Variants in KLHL13 observed in about 807,000 individuals in gnomAD.
KLHL13 encodes the protein kelch like family member 13, also known as kelch-like protein 13.
Under a neutral mutation model 37.1 loss-of-function variants are expected in KLHL13, and 10 were observed. The ratio of observed to expected loss-of-function variants is 0.27; its 90% CI spans 0.17 to 0.46. The LOEUF (loss-of-function observed/expected upper bound fraction) is 0.46, where lower values mean the gene tolerates loss of function less well. Among genes scored for constraint, KLHL13 ranks in the 20% least tolerant of loss-of-function variants. KLHL13 has a pLI of 1.00. For missense variants in KLHL13, 360 were observed against 509.3 expected (o/e 0.71, Z 2.82); for synonymous variants, 163 against 181.2 (o/e 0.90, Z 0.81).
At chrX:118,110,745 A>T (rs2055402159) in intron 1 of KLHL13, among the ~76,000 whole-genome samples, 2 of 111,943 alleles carry the variant, frequency 1.8e-5, no homozygotes, top group Admixed American at 1.9e-4. Context: ...ACTGCAAAAA[A>T]ATAAGTGTCT....
intron 2 of KLHL13, among the ~76,000 whole-genome samples, chrX:117,922,979 A>C (rs780188089): frequency 8.9e-6 from 1 of 111,989 alleles, no homozygotes; most frequent in Non-Finnish European, 1.9e-5. Context: ...ACTGTTGTGC[A>C]TTTTAAAATT....
intron 1 of KLHL13, among the ~76,000 whole-genome samples, chrX:118,040,132 G>A (rs2054492144): frequency 9.0e-6 from 1 of 111,289 alleles, no homozygotes; most frequent in Non-Finnish European, 1.9e-5. Flanking sequence ...GCCTTCCCAG[G>A]AAGGATGAGT....
chrX:118,109,875 C>G (rs1190973323), intron 1 of KLHL13, among the ~76,000 whole-genome samples: 1 of 110,537 alleles, frequency 9.0e-6, no homozygotes, highest in Non-Finnish European at 1.9e-5. Context: ...CCCACAAAAC[C>G]GAAGGAAAAA....
intron 1 of KLHL13, among the ~76,000 whole-genome samples, chrX:118,055,374 C>A (rs2054673793): frequency 8.9e-6 from 1 of 112,129 alleles, no homozygotes; most frequent in African/African-American, 3.2e-5. Flanking sequence ...TTAATTAAAT[C>A]TTGGCATGGC....
chrX:117,910,299 A>G (rs1930891350), intron 4 of KLHL13, among the ~76,000 whole-genome samples: 1 of 111,826 alleles, frequency 8.9e-6, no homozygotes, highest in East Asian at 2.8e-4. Context: ...TAGAAGGCTG[A>G]CTAAAAGAAA....
At chrX:117,969,638 C>T (rs1030345743) in intron 1 of KLHL13, among the ~76,000 whole-genome samples, 1 of 111,306 alleles carries the variant, frequency 9.0e-6, no homozygotes, top group African/African-American at 3.3e-5. Context: ...GCACACCACC[C>T]TGCAATGCTA....
At chrX:117,955,803 A>C (rs1339562906) in intron 1 of KLHL13, among the ~76,000 whole-genome samples, 2 of 111,423 alleles carry the variant, frequency 1.8e-5, no homozygotes, top group Admixed American at 9.6e-5. Flanking sequence ...ATAAGACTTC[A>C]GTTTATCCCT....
intron 5 of KLHL13, among the ~76,000 whole-genome samples, chrX:117,906,618 T>C (rs1930558287): frequency 9.0e-6 from 1 of 111,411 alleles, no homozygotes; most frequent in Middle Eastern, 4.6e-3. Context: ...AAATCAAGAC[T>C]CTAAATTTGA....
At chrX:118,033,395 C>T (rs1027364856) in intron 1 of KLHL13, among the ~76,000 whole-genome samples, 5 of 111,535 alleles carry the variant, frequency 4.5e-5, no homozygotes, top group Admixed American at 1.9e-4. Flanking sequence ...GCAGATCTCT[C>T]GGCAGAAACT....
intron 1 of KLHL13, among the ~76,000 whole-genome samples, chrX:118,008,623 TG>T (rs751597792): frequency 4.5e-5 from 5 of 111,833 alleles, no homozygotes; most frequent in Non-Finnish European, 7.5e-5. Flanking sequence ...ATTACTGCCA[TG>T]AATTAGTTTT....
intron 1 of KLHL13, among the ~76,000 whole-genome samples, chrX:118,004,789 T>G (rs1159314954): frequency 9.0e-6 from 1 of 111,579 alleles, no homozygotes; most frequent in Non-Finnish European, 1.9e-5. Context: ...CTTAATCAAG[T>G]TATCAAGTTG....
chrX:117,929,726 G>A (rs908573526), intron 2 of KLHL13, among the ~76,000 whole-genome samples: 1 of 91,967 alleles, frequency 1.1e-5, no homozygotes, highest in African/African-American at 4.2e-5. Flanking sequence ...AGGATTGCTT[G>A]AGCCCAGCTG....
At chrX:117,970,814 T>C (rs940241229) in intron 1 of KLHL13, among the ~76,000 whole-genome samples, 8 of 111,789 alleles carry the variant, frequency 7.2e-5, no homozygotes, top group African/African-American at 2.6e-4. Context: ...AGTATTAATA[T>C]ACATAAAAAG....
At chrX:118,021,953 T>C (rs752250602) in intron 1 of KLHL13, among the ~76,000 whole-genome samples, 6 of 111,950 alleles carry the variant, frequency 5.4e-5, no homozygotes, top group Non-Finnish European at 1.1e-4. Context: ...TGGTATCTCA[T>C]TGTGGTTTTG....
chrX:117,925,506 C>T (rs1931959558), intron 2 of KLHL13, among the ~76,000 whole-genome samples: 1 of 111,843 alleles, frequency 8.9e-6, no homozygotes, highest in Admixed American at 9.4e-5. Context: ...TTTTATGAGG[C>T]TGCTCTTCAT....
At chrX:117,943,013 C>T (rs934863385) in intron 2 of KLHL13, among the ~76,000 whole-genome samples, 1 of 111,228 alleles carries the variant, frequency 9.0e-6, no homozygotes, top group Non-Finnish European at 1.9e-5. Flanking sequence ...TCTTATAAGG[C>T]AGGCCTGGTA....
At chrX:118,114,819 C>G (rs1229927647) in intron 1 of KLHL13, among the ~76,000 whole-genome samples, 3 of 112,587 alleles carry the variant, frequency 2.7e-5, no homozygotes, top group Non-Finnish European at 3.7e-5. Context: ...TCACACTACA[C>G]TTTTTGAAGT....
At chrX:118,086,379 C>T (rs1289221744) in intron 1 of KLHL13, among the ~76,000 whole-genome samples, 1 of 111,134 alleles carries the variant, frequency 9.0e-6, no homozygotes, top group Non-Finnish European at 1.9e-5. Context: ...TTTACATTCC[C>T]ACCAACAGTA....
At chrX:117,908,998 T>C (rs1356757035) in intron 5 of KLHL13, among the ~76,000 whole-genome samples, 4 of 111,749 alleles carry the variant, frequency 3.6e-5, no homozygotes, top group Non-Finnish European at 3.8e-5. Flanking sequence ...AAGACCTTAT[T>C]ATAATTTAAA....
Sources: gnomAD v4.1 joint callset for allele counts (sites outside exome capture counted in the v4.1 genomes callset) on GRCh38, gnomAD v4.1.1 for gene constraint, MANE v1.5 for transcripts, NCBI Gene and HGNC (gene_info 2026-07-23, HGNC 2026-07-21) for gene names.